The following ITIH3 variants were observed in gnomAD, a reference collection of about 807,000 sequenced individuals.
ITIH3 encodes inter-alpha-trypsin inhibitor heavy chain 3, also known as inter-alpha-trypsin inhibitor heavy chain H3.
ITIH3 carries 81 observed loss-of-function variants against 96.5 expected under a neutral mutation model. That is an observed-to-expected ratio of 0.84 (90% CI 0.70 to 1.01). The LOEUF (loss-of-function observed/expected upper bound fraction) is 1.01, where lower values mean the gene tolerates loss of function less well. ITIH3 is among the 50% of genes least tolerant of loss of function. The probability of loss-of-function intolerance (pLI) is 0.00; values close to 1 mark genes in which losing one functional copy is unlikely to be tolerated. For missense variants in ITIH3, 1,057 were observed against 1,139.3 expected, an observed-to-expected ratio of 0.93 and a Z score of 1.04; for synonymous variants, 422 against 445.2, an observed-to-expected ratio of 0.95 and a Z score of 0.66.
Position 52,806,882 on chromosome 3 carries a change from T to A in ITIH3, c.2057-19T>A, listed in dbSNP as rs1379321719. On this transcript the variant is annotated intron_variant, in intron 18 of 21. Transcript: ENST00000449956. ...AGAAGTTCTCGCTGGTCTCTCTCCC[T>A]GCCCCATCCCTCTGGCAGGCCTCAC... The A allele has an allele frequency of 8.3e-6, 13 of 1,563,408 alleles. No homozygotes were observed. The highest frequency in any genetic ancestry group is 1.1e-5 in the Non-Finnish European group (13 of 1,153,080).
intron 14 of ITIH3, 109 bp downstream of exon 14, chr3:52,804,118 G>A (rs1699953733): frequency 1.6e-6 from 2 of 1,233,664 alleles, no homozygotes; most frequent in Non-Finnish European, 2.3e-6. Context: ...ACCTGCTGAA[G>A]TAGGGCATCT....
At chr3:52,800,837 C>T in intron 10 of ITIH3, 128 bp from the exon 11 acceptor site, 1 of 1,465,186 alleles carries the variant, frequency 6.8e-7, no homozygotes, top group Non-Finnish European at 9.3e-7. Flanking sequence ...CCACCACCTG[C>T]CCCACAAGGG....
chr3:52,797,343 G>A, intron 5 of ITIH3, 76 bp downstream of exon 5: 1 of 1,464,534 alleles, frequency 6.8e-7, no homozygotes, highest in Non-Finnish European at 9.2e-7. Flanking sequence ...GTCTCAGACA[G>A]GGGTCAAAAA....
Position 52,802,081 on chromosome 3 carries a change from C to T in ITIH3, c.1384-253C>T, listed in dbSNP as rs2154109833. 4.4e-6 allele frequency: 2 copies of T among 453,062 alleles called. 1 individual carries two copies. Among genetic ancestry groups the T allele is most frequent in the East Asian group, 7.1e-5 (2 of 28,358 alleles). The allele number at this position is 453,062 out of a possible 1,614,324, so 28.1% of individuals were successfully genotyped here. On this transcript the variant is annotated intron_variant, in intron 11 of 21. Coordinates refer to ENST00000449956, the MANE Select transcript of ITIH3 (RefSeq NM_002217.4). Reference sequence around the variant, plus strand: ...ACTTTCTTTGTGCTAAGAACTCTGTCCTTTCATATTTCTTTTTTTTTTTAA... The same window carrying T: ...ACTTTCTTTGTGCTAAGAACTCTGTTCTTTCATATTTCTTTTTTTTTTTAA...
In ITIH3 at chr3:52,796,689, G is replaced by C. The variant is rs1196586261; in HGVS notation, c.281+42G>C. The C allele has an allele frequency of 4.4e-6, 7 of 1,606,028 alleles. No homozygotes were observed. In the Admixed American group the frequency reaches 5.0e-5, roughly 12 times the overall value. ...CTGCTGGCTCTGGGCTCGGGAACAG[G>C]GGGTCTGGCCCAGTGTGATCTCCCT... On this transcript the variant is annotated intron_variant, in intron 3 of 21. Transcript: ENST00000449956.
intron 5 of ITIH3, 91 bp from the exon 6 acceptor site, chr3:52,797,726 C>A: frequency 2.6e-6 from 2 of 779,432 alleles, no homozygotes; most frequent in Non-Finnish European, 4.3e-6. Context: ...GTCCCTGCAT[C>A]ACCACAGACC....
rs1314762512 is a variant in ITIH3, at chr3:52,797,869, C to G, written c.602C>G (p.Ala201Gly). ...PQGISMLDAE[A>G]SFITNDLLGS... ...GGAATCAGCATGCTGGATGCTGAGG[C>G]CTCTTTCATCACCAACGACCTCCTG... is the stretch of plus-strand genomic sequence containing the variant. Residue 201 changes from alanine (A) to glycine (G), a missense_variant, in exon 6 of 22, where the codon GCC (alanine) becomes GGC (glycine). Physicochemically the swap from Ala to Gly is moderately conservative, Grantham distance 60 (BLOSUM62 0). Transcript: ENST00000449956. 6.2e-7 allele frequency: 1 copy of G among 1,610,266 alleles called. No homozygotes were observed. Among genetic ancestry groups the G allele is most frequent in the Non-Finnish European group, 8.5e-7 (1 of 1,178,566 alleles).
intron 16 of ITIH3, 53 bp from the exon 17 acceptor site, chr3:52,806,050 C>T (rs1259204851): frequency 9.6e-6 from 15 of 1,569,622 alleles, no homozygotes; most frequent in African/African-American, 2.7e-5. Context: ...GGTCGTCGGG[C>T]GCCTCCCAGG....
In ITIH3 at chr3:52,806,941, C is replaced by T; in HGVS notation, c.2097C>T (p.Gly699=). ...VNGQITGDKR[G]SPDSKTRKTY... is the part of the protein sequence containing the mutation. ...GGCAGATCACTGGCGACAAGAGAGGCAGCCCTGACTCCAAGACCAGAAAGA... is the reference window on the plus strand; with the variant it reads ...GGCAGATCACTGGCGACAAGAGAGGTAGCCCTGACTCCAAGACCAGAAAGA... Residue 699 remains glycine (G), a synonymous_variant, in exon 19 of 22, where the codon GGC becomes GGT. Transcript: ENST00000449956. 1 of 1,592,386 alleles carries T rather than the reference C, an allele frequency of 6.3e-7. No individual in the cohort carries two copies. Among genetic ancestry groups the T allele is most frequent in the Non-Finnish European group, 8.6e-7 (1 of 1,169,438 alleles).
chr3:52,795,703 C>A, intron 2 of ITIH3, 80 bp downstream of exon 2: 2 of 1,386,748 alleles, frequency 1.4e-6, no homozygotes, highest in Non-Finnish European at 2.0e-6. Context: ...AAGGTGTAGG[C>A]TATAACAGCT....
In ITIH3 at chr3:52,806,150, G is replaced by C. The variant is rs767942687; in HGVS notation, c.1942+12G>C. 5.1e-5 allele frequency: 81 copies of C among 1,601,254 alleles called. 1 individual carries two copies. In the South Asian group the frequency reaches 8.1e-4, roughly 16 times the overall value. On this transcript the variant is annotated intron_variant, in intron 17 of 21. Coordinates refer to ENST00000449956, the MANE Select transcript of ITIH3 (RefSeq NM_002217.4). Reference sequence around the variant, plus strand: ...CCCCTACTACTATGGTGAGTCCCTGGCTGCTCCTCGGGAAGGCTCAGGGGC... The same window carrying C: ...CCCCTACTACTATGGTGAGTCCCTGCCTGCTCCTCGGGAAGGCTCAGGGGC...
chr3:52,798,889 C>A, intron 6 of ITIH3, 77 bp from the exon 7 acceptor site: 1 of 1,557,530 alleles, frequency 6.4e-7, no homozygotes, highest in East Asian at 2.3e-5. Flanking sequence ...ACCTCTGCTC[C>A]CTCAGCTAAG....
intron 16 of ITIH3, 93 bp downstream of exon 16, chr3:52,805,933 G>A (rs777584024): frequency 2.3e-5 from 36 of 1,558,604 alleles, no homozygotes; most frequent in Non-Finnish European, 2.9e-5. Context: ...TCAGCTCTCC[G>A]GGATGGGCAG....
rs1368949854 is a variant in ITIH3 at position 52,803,957 on chromosome 3, C to G, written c.1812C>G (p.Thr604=). 2 of 1,613,818 alleles carry G rather than the reference C, an allele frequency of 1.2e-6. No homozygotes were observed. The highest frequency in any genetic ancestry group is 1.1e-5 in the South Asian group (1 of 91,030). The stretch of plus-strand genomic sequence containing the variant: ...CTCCACTGACCTCAATGGTGGTGAC[C>G]AAGCCTGAGGACAACGAGGATGAGA... ...FVTPLTSMVV[T]KPEDNEDERA... The change falls in exon 14 of 22, where the codon ACC becomes ACG. Residue 604 remains threonine, a synonymous_variant. Coordinates refer to ENST00000449956, the MANE Select transcript of ITIH3 (RefSeq NM_002217.4).
At chr3:52,800,847 G>A (rs1230486614) in intron 10 of ITIH3, 118 bp from the exon 11 acceptor site, 4 of 1,492,264 alleles carry the variant, frequency 2.7e-6, no homozygotes, top group Non-Finnish European at 2.7e-6. Context: ...CCCCACAAGG[G>A]CTCATGGTCG....
intron 15 of ITIH3, 34 bp from the exon 16 acceptor site, chr3:52,805,774 A>G: frequency 6.2e-7 from 1 of 1,613,424 alleles, no homozygotes; most frequent in Non-Finnish European, 8.5e-7. Context: ...AGGAACCCCT[A>G]GACCCTGCTC....
intron 21 of ITIH3, 98 bp from the exon 22 acceptor site, chr3:52,808,454 G>A: frequency 6.6e-7 from 1 of 1,509,516 alleles, no homozygotes; most frequent in Non-Finnish European, 9.2e-7. Flanking sequence ...TGGGCTGTTA[G>A]AATTGCCAAC....
chr3:52,802,090 T>G, intron 11 of ITIH3: 2 of 446,758 alleles, frequency 4.5e-6, no homozygotes, highest in East Asian at 3.4e-5. Flanking sequence ...TCCTTTCATA[T>G]TTCTTTTTTT....
chr3:52,805,669 T>G (rs1260947614), intron 15 of ITIH3, 139 bp from the exon 16 acceptor site: 2 of 1,506,706 alleles, frequency 1.3e-6, no homozygotes, highest in Non-Finnish European at 1.8e-6. Flanking sequence ...AAGCCTAATC[T>G]TTGTAGTCAC....
Sources: allele counts gnomAD v4.1 joint callset, GRCh38; gene constraint gnomAD v4.1.1; transcripts MANE v1.5; gene names NCBI Gene and HGNC (gene_info 2026-07-23, HGNC 2026-07-21).